The following NTM variants were observed in gnomAD, a reference collection of about 807,000 sequenced individuals.
NTM encodes the protein IgLON family member 2.
Under a neutral mutation model 42.1 loss-of-function variants are expected in NTM, and 13 were observed. That is an observed-to-expected ratio of 0.31 (90% CI 0.20 to 0.49). The LOEUF (loss-of-function observed/expected upper bound fraction) is 0.49. Among genes scored for constraint, NTM ranks in the 20% least tolerant of loss-of-function variants. The pLI, the probability that NTM is intolerant of heterozygous loss-of-function variation, is 0.99. For synonymous variants in NTM, 187 were observed against 179.2 expected, an observed-to-expected ratio of 1.04 and a Z score of -0.35; for missense variants, 373 against 452.8, an observed-to-expected ratio of 0.82 and a Z score of 1.60.
At chr11:132,141,452 G>A (rs12804913) in intron 2 of NTM, among the ~76,000 whole-genome samples, 58,129 of 151,976 alleles carry the variant, frequency 0.38, 11,703 homozygotes, top group Non-Finnish European at 0.44. Context: ...ATTCATCAGA[G>A]AGATATTCAG....
At chr11:131,931,352 T>C (rs984326899) in intron 2 of NTM, among the ~76,000 whole-genome samples, 6 of 151,888 alleles carry the variant, frequency 4.0e-5, no homozygotes, top group Non-Finnish European at 8.8e-5. Context: ...GACAGGAAGA[T>C]TGCTTGAGCC....
At chr11:131,843,666 T>A (rs1243242489) in intron 1 of NTM, among the ~76,000 whole-genome samples, 1 of 152,220 alleles carries the variant, frequency 6.6e-6, no homozygotes, top group Non-Finnish European at 1.5e-5. Context: ...CTTAATAAAA[T>A]GGTTTTGCCA....
intron 1 of NTM, among the ~76,000 whole-genome samples, chr11:131,686,779 G>A (rs892119490): frequency 2.6e-5 from 4 of 152,176 alleles, no homozygotes; most frequent in Non-Finnish European, 5.9e-5. Flanking sequence ...GATCGGAATG[G>A]GGTCATTTCC....
chr11:132,026,169 T>C (rs2075148306), intron 2 of NTM, among the ~76,000 whole-genome samples: 1 of 152,240 alleles, frequency 6.6e-6, no homozygotes, highest in Non-Finnish European at 1.5e-5. Flanking sequence ...AAAAGTGCTG[T>C]GTATATGCTC....
intron 1 of NTM, among the ~76,000 whole-genome samples, chr11:131,496,729 G>A (rs1310014135): frequency 6.6e-6 from 1 of 152,218 alleles, no homozygotes; most frequent in Non-Finnish European, 1.5e-5. Flanking sequence ...TGCCTGACAT[G>A]AATCCCAAAT....
intron 2 of NTM, among the ~76,000 whole-genome samples, chr11:132,013,616 G>C (rs1310030364): frequency 6.6e-6 from 1 of 152,036 alleles, no homozygotes; most frequent in East Asian, 1.9e-4. Flanking sequence ...AGTCCTGAAT[G>C]TTTATGACTT....
In NTM at chr11:132,167,102, C is replaced by A. The variant is rs2075394688; in HGVS notation, c.400+20588C>A. Among the ~76,000 whole-genome samples, 3 of 152,184 alleles carry A rather than the reference C, an allele frequency of 2.0e-5. No individual in the cohort carries two copies. In the South Asian group the frequency reaches 6.2e-4, roughly 32 times the overall value. ...CTATTTTACTCTGTTCTATCTTATT[C>A]ATTCATTCAATAAAAATGAGCTTAG... On this transcript the variant is annotated intron_variant, in intron 3 of 8. Coordinates refer to ENST00000683400, the MANE Select transcript of NTM (RefSeq NM_001352005.2).
Position 132,042,319 on chromosome 11 carries a change from G to A in NTM, c.168-103963G>A, listed in dbSNP as rs539410825. 4.0e-4 allele frequency among the ~76,000 whole-genome samples: 61 copies of A among 152,260 alleles called. 1 individual carries two copies. Among genetic ancestry groups the A allele is most frequent in the Middle Eastern group, 6.8e-3 (2 of 294 alleles). ...TGGCCCCATTTCTAGAGCAGCTATGGCTACTGGGACTGGAAATGCCCAAGG... is the reference window on the plus strand; with the variant it reads ...TGGCCCCATTTCTAGAGCAGCTATGACTACTGGGACTGGAAATGCCCAAGG... On this transcript the variant is annotated intron_variant, in intron 2 of 8. Coordinates refer to ENST00000683400, the MANE Select transcript of NTM (RefSeq NM_001352005.2).
intron 1 of NTM, among the ~76,000 whole-genome samples, chr11:131,619,008 A>C (rs1019211681): frequency 3.3e-5 from 5 of 152,206 alleles, no homozygotes; most frequent in Admixed American, 2.0e-4. Flanking sequence ...ATGAGAATGG[A>C]AGAACTAGTG....
intron 2 of NTM, among the ~76,000 whole-genome samples, chr11:132,059,801 T>C (rs1237679973): frequency 6.6e-6 from 1 of 150,930 alleles, no homozygotes; most frequent in Non-Finnish European, 1.5e-5. Context: ...CTTCAGGGTA[T>C]TTATGTCAAG....
intron 4 of NTM, among the ~76,000 whole-genome samples, chr11:132,249,494 G>A (rs1360172870): frequency 6.6e-6 from 1 of 152,206 alleles, no homozygotes; most frequent in Non-Finnish European, 1.5e-5. Context: ...TTGTTTCCTT[G>A]TGTGATGCCC....
intron 1 of NTM, among the ~76,000 whole-genome samples, chr11:131,889,940 A>T (rs2051004535): frequency 6.6e-6 from 1 of 152,076 alleles, no homozygotes; most frequent in Non-Finnish European, 1.5e-5. Context: ...TTAGGCATGC[A>T]TTTAGCTCCT....
At chr11:132,087,179 G>A (rs1405140188) in intron 2 of NTM, among the ~76,000 whole-genome samples, 1 of 152,120 alleles carries the variant, frequency 6.6e-6, no homozygotes, top group Non-Finnish European at 1.5e-5. Context: ...GACCTTGATA[G>A]GGTGCCACCC....
At chr11:131,545,301 C>A (rs768747217) in intron 1 of NTM, among the ~76,000 whole-genome samples, 65 of 151,982 alleles carry the variant, frequency 4.3e-4, no homozygotes, top group Non-Finnish European at 7.8e-4. Context: ...TTTTCTTTTT[C>A]TTTTTTCTTG....
chr11:131,847,683 C>G lies in NTM; in HGVS notation c.83-63881C>G, dbSNP rs2045075553. On this transcript the variant is annotated intron_variant, in intron 1 of 8. Transcript: ENST00000683400. ...CATTTCTTACCTCTAGTATTGATTC[C>G]CTAGTCATGCCTCAGAGCTCAGCAG... Among the ~76,000 whole-genome samples, 4 of 151,946 alleles carry G rather than the reference C, an allele frequency of 2.6e-5. No homozygotes were observed. In the South Asian group the frequency reaches 8.3e-4, roughly 32 times the overall value.
At chr11:131,674,280 G>C (rs181943215) in intron 1 of NTM, among the ~76,000 whole-genome samples, 1 of 152,248 alleles carries the variant, frequency 6.6e-6, no homozygotes, top group African/African-American at 2.4e-5. Context: ...TTCATAAAAA[G>C]TCTTCCTTCT....
At chr11:132,010,330 G>A (rs1593684314) in intron 2 of NTM, among the ~76,000 whole-genome samples, 1 of 152,172 alleles carries the variant, frequency 6.6e-6, no homozygotes, top group African/African-American at 2.4e-5. Flanking sequence ...GAGAAGACAA[G>A]GATAAGGATT....
At chr11:131,784,556 G>T (rs755474175) in intron 1 of NTM, among the ~76,000 whole-genome samples, 1 of 152,196 alleles carries the variant, frequency 6.6e-6, no homozygotes, top group Admixed American at 6.5e-5. Context: ...AAACCAAACT[G>T]TAGCAAGAGA....
chr11:131,548,079 C>T (rs1299292573), intron 1 of NTM, among the ~76,000 whole-genome samples: 1 of 152,316 alleles, frequency 6.6e-6, no homozygotes, highest in East Asian at 1.9e-4. Context: ...CAATGAGCTG[C>T]TGTTTCCAGA....
Sources: allele counts gnomAD v4.1 joint callset (sites outside exome capture counted in the v4.1 genomes callset), GRCh38; gene constraint gnomAD v4.1.1; transcripts MANE v1.5; gene names NCBI Gene and HGNC (gene_info 2026-07-23, HGNC 2026-07-21).